HMGN3: variants seen among roughly 807,000 people sequenced by gnomAD.
HMGN3 encodes the protein high mobility group nucleosome-binding domain-containing protein 3.
A neutral mutation model predicts 18.8 loss-of-function variants in HMGN3; 6 were observed. The ratio of observed to expected loss-of-function variants is 0.32; its 90% confidence interval spans 0.18 to 0.63. The LOEUF (loss-of-function observed/expected upper bound fraction) is 0.63, where lower values mean the gene tolerates loss of function less well. Ranked by LOEUF, HMGN3 falls within the 30% of genes least tolerant of loss-of-function variation. The pLI, the probability that HMGN3 is intolerant of heterozygous loss-of-function variation, is 0.79. For synonymous variants in HMGN3, 40 were observed against 36.5 expected (o/e 1.10, Z -0.35); for missense variants, 107 against 114.2 (o/e 0.94, Z 0.29).
intron 2 of HMGN3, 102 bp from the exon 3 acceptor site, chr6:79,208,678 CTATAATG>C (rs1776539126): frequency 1.1e-6 from 1 of 915,288 alleles, no homozygotes; most frequent in Non-Finnish European, 1.8e-6. Flanking sequence ...TGTTGAATGA[CTATAATG>C]TATGATTCCC....
chr6:79,206,133 T>G (rs1776410483), intron 3 of HMGN3, among the ~76,000 whole-genome samples: 1 of 152,120 alleles, frequency 6.6e-6, no homozygotes, highest in Non-Finnish European at 1.5e-5. Context: ...TTTAGAAAAT[T>G]TGCAGCCTGG....
chr6:79,215,646 G>A (rs1014752752), intron 1 of HMGN3, among the ~76,000 whole-genome samples: 1 of 152,122 alleles, frequency 6.6e-6, no homozygotes, highest in Non-Finnish European at 1.5e-5. Context: ...TCCATCCCCT[G>A]GGGCAGCACC....
chr6:79,215,480 G>A (rs1776933586), intron 1 of HMGN3, among the ~76,000 whole-genome samples: 1 of 152,208 alleles, frequency 6.6e-6, no homozygotes. Context: ...TCCTTGCCTA[G>A]CCTTGATTTC....
intron 1 of HMGN3, 105 bp from the exon 2 acceptor site, chr6:79,215,127 A>AT (rs1274318302): frequency 1.0e-5 from 7 of 695,254 alleles, no homozygotes; most frequent in South Asian, 3.9e-5. Flanking sequence ...AAGCCAACAG[A>AT]TTTTTTTGCA....
chr6:79,225,391 T>C (rs531898938), intron 1 of HMGN3, among the ~76,000 whole-genome samples: 4 of 152,318 alleles, frequency 2.6e-5, no homozygotes, highest in Non-Finnish European at 4.4e-5. Flanking sequence ...ACTGGTAATC[T>C]AGCACACCTA....
At chr6:79,234,328 G>A (rs1413171636) in intron 1 of HMGN3, 7 of 443,624 alleles carry the variant, frequency 1.6e-5, no homozygotes, top group South Asian at 1.2e-4. Context: ...CCGCGTCACT[G>A]GAGAGAAAGT....
intron 2 of HMGN3, among the ~76,000 whole-genome samples, chr6:79,209,401 A>T (rs1269083232): frequency 6.6e-6 from 1 of 152,190 alleles, no homozygotes; most frequent in Non-Finnish European, 1.5e-5. Context: ...TCCCCAAGGG[A>T]TTTCACATTC....
intron 1 of HMGN3, 126 bp downstream of exon 1, chr6:79,234,420 T>G: frequency 7.1e-6 from 6 of 842,948 alleles, no homozygotes; most frequent in Non-Finnish European, 1.2e-5. Context: ...AAAACAAGCG[T>G]GGAGGAGCAA....
intron 1 of HMGN3, among the ~76,000 whole-genome samples, chr6:79,228,011 G>A (rs940300081): frequency 1.3e-5 from 2 of 152,042 alleles, no homozygotes; most frequent in African/African-American, 4.8e-5. Flanking sequence ...GAAACATGGC[G>A]CCAGACAACT....
intron 1 of HMGN3, 86 bp from the exon 2 acceptor site, chr6:79,215,108 G>A: frequency 2.5e-6 from 2 of 798,618 alleles, no homozygotes; most frequent in Non-Finnish European, 4.0e-6. Flanking sequence ...CTCATTCCCA[G>A]GACAAGACAA....
intron 2 of HMGN3, among the ~76,000 whole-genome samples, chr6:79,213,685 C>CTGTTT (rs1776812705): frequency 6.6e-6 from 1 of 152,148 alleles, no homozygotes; most frequent in Non-Finnish European, 1.5e-5. Context: ...TGGGGACAGA[C>CTGTTT]TGTTTTGTTT....
At chr6:79,221,095 A>G (rs1777260800) in intron 1 of HMGN3, among the ~76,000 whole-genome samples, 2 of 152,308 alleles carry the variant, frequency 1.3e-5, no homozygotes, top group Admixed American at 6.5e-5. Context: ...GAAGAAAAAG[A>G]CTAAAAGCAA....
chr6:79,225,911 C>T (rs1335853074), intron 1 of HMGN3, among the ~76,000 whole-genome samples: 94 of 152,234 alleles, frequency 6.2e-4, no homozygotes, highest in East Asian at 3.9e-4. Flanking sequence ...CTTTCTACAA[C>T]AGGCATTTAG....
intron 1 of HMGN3, among the ~76,000 whole-genome samples, chr6:79,226,518 G>T (rs1388978588): frequency 6.6e-6 from 1 of 152,100 alleles, no homozygotes; most frequent in African/African-American, 2.4e-5. Flanking sequence ...AATGAAAAAT[G>T]AAATTATAGT....
chr6:79,226,574 T>C (rs1280396241), intron 1 of HMGN3, among the ~76,000 whole-genome samples: 1 of 152,182 alleles, frequency 6.6e-6, no homozygotes, highest in African/African-American at 2.4e-5. Flanking sequence ...CATTTTTATT[T>C]AAACTAAGGT....
At chr6:79,231,226 C>T (rs1280161785) in intron 1 of HMGN3, among the ~76,000 whole-genome samples, 1 of 152,188 alleles carries the variant, frequency 6.6e-6, no homozygotes, top group South Asian at 2.1e-4. Context: ...AGGACTGTGA[C>T]TCTAGGCCTC....
chr6:79,219,288 A>G (rs1299769609), intron 1 of HMGN3, among the ~76,000 whole-genome samples: 1 of 152,206 alleles, frequency 6.6e-6, no homozygotes, highest in Non-Finnish European at 1.5e-5. Flanking sequence ...AATGTATGAA[A>G]ATATAGAGTA....
chr6:79,203,589 T>A (rs1480483748), exon 4 of HMGN3: 2 of 1,613,296 alleles, frequency 1.2e-6, no homozygotes, highest in African/African-American at 2.7e-5. Context: ...CCTTAGCAGA[T>A]GTTTTTCTTG....
At chr6:79,215,792 A>AT (rs1776952302) in intron 1 of HMGN3, among the ~76,000 whole-genome samples, 1 of 152,214 alleles carries the variant, frequency 6.6e-6, no homozygotes, top group Non-Finnish European at 1.5e-5. Context: ...ATGTCCCAAT[A>AT]TTTTTTATTG....
Sources: allele counts gnomAD v4.1 joint callset (sites outside exome capture counted in the v4.1 genomes callset), GRCh38; gene constraint gnomAD v4.1.1; transcripts MANE v1.5; gene names NCBI Gene and HGNC (gene_info 2026-07-23, HGNC 2026-07-21).